MLPH: variants seen among roughly 807,000 people sequenced by gnomAD.
MLPH encodes the protein exophilin-3.
MLPH carries 51 observed loss-of-function variants against 72.1 expected under a neutral mutation model. The observed-to-expected ratio is 0.71, with a 90% CI of 0.56 to 0.89. The LOEUF (loss-of-function observed/expected upper bound fraction) is 0.89, where lower values mean the gene tolerates loss of function less well. MLPH is among the 40% of genes least tolerant of loss of function. The pLI, the probability that MLPH is intolerant of heterozygous loss-of-function variation, is 0.00. For missense variants in MLPH, 743 were observed against 759.9 expected, an observed-to-expected ratio of 0.98 and a Z score of 0.26; for synonymous variants, 301 against 310.1, an observed-to-expected ratio of 0.97 and a Z score of 0.31.
intron 9 of MLPH, among the ~76,000 whole-genome samples, chr2:237,535,736 T>C (rs148083917): frequency 3.1e-4 from 47 of 152,318 alleles, no homozygotes; most frequent in African/African-American, 9.6e-4. Flanking sequence ...AAGTGGAGAA[T>C]TTAAAGTTTC....
intron 8 of MLPH, among the ~76,000 whole-genome samples, chr2:237,529,654 C>T (rs1367804634): frequency 2.0e-5 from 3 of 152,188 alleles, no homozygotes; most frequent in Admixed American, 1.3e-4. Context: ...ACTCCAGCAA[C>T]GTAATCACAG....
intron 2 of MLPH, among the ~76,000 whole-genome samples, chr2:237,498,211 T>G (rs1369557224): frequency 6.6e-6 from 1 of 152,184 alleles, no homozygotes; most frequent in Non-Finnish European, 1.5e-5. Context: ...TTGATTTGCT[T>G]AAGAGCGGAT....
intron 12 of MLPH, chr2:237,545,618 G>A (rs2106404572): frequency 7.8e-7 from 1 of 1,286,058 alleles, no homozygotes; most frequent in South Asian, 1.2e-5. Flanking sequence ...GGAGGGCGCG[G>A]GAGGCTCACA....
rs1277806404 is a variant in MLPH, at chr2:237,546,696, CCATT to C, written c.1617+16_1617+19del. On this transcript the variant is annotated intron_variant, in intron 13 of 15. Transcript: ENST00000264605. ...AAGTGAGGCCAAGGTATGTGTTACT[CCATT>C]CAAGCCCCAGACACCCGACAAAGGT... 1.9e-5 allele frequency: 30 copies of C among 1,609,876 alleles called. No homozygotes were observed. Among genetic ancestry groups the C allele is most frequent in the Non-Finnish European group, 2.5e-5 (29 of 1,176,098 alleles).
intron 9 of MLPH, among the ~76,000 whole-genome samples, chr2:237,538,131 C>T (rs904298228): frequency 6.6e-6 from 1 of 152,178 alleles, no homozygotes; most frequent in Admixed American, 6.5e-5. Context: ...GGGAGGTGGC[C>T]GTGAACAAAG....
chr2:237,531,115 C>T (rs1268470906), intron 8 of MLPH, among the ~76,000 whole-genome samples: 1 of 152,142 alleles, frequency 6.6e-6, no homozygotes, highest in African/African-American at 2.4e-5. Context: ...AGTCTTATAC[C>T]CTGGGAAACT....
chr2:237,488,220 A>T (rs1333368600), intron 1 of MLPH, among the ~76,000 whole-genome samples: 5 of 152,250 alleles, frequency 3.3e-5, no homozygotes, highest in Admixed American at 2.6e-4. Flanking sequence ...AGGGAGTGAA[A>T]TGACAGTCGG....
At chr2:237,494,217 T>G (rs1574830151) in intron 2 of MLPH, among the ~76,000 whole-genome samples, 1 of 149,196 alleles carries the variant, frequency 6.7e-6, no homozygotes, top group Non-Finnish European at 1.5e-5. Flanking sequence ...GGGCAGAGGG[T>G]GGAGGGCAGA....
At chr2:237,527,973 T>C (rs2080339855) in intron 8 of MLPH, among the ~76,000 whole-genome samples, 1 of 152,342 alleles carries the variant, frequency 6.6e-6, no homozygotes. Context: ...CGCTGACACA[T>C]GCTAGACCAT....
At chr2:237,543,113 GGT>G (rs1346935495) in intron 12 of MLPH, among the ~76,000 whole-genome samples, 10 of 68,510 alleles carry the variant, frequency 1.5e-4, no homozygotes, top group African/African-American at 4.7e-4. Flanking sequence ...GGTGAGTGGG[GGT>G]ACAGTGGTGA....
At chr2:237,548,617 C>A (rs2080966989) in intron 13 of MLPH, among the ~76,000 whole-genome samples, 1 of 152,136 alleles carries the variant, frequency 6.6e-6, no homozygotes, top group African/African-American at 2.4e-5. Flanking sequence ...ACCTGTAATC[C>A]CAGCACTTTG....
intron 8 of MLPH, among the ~76,000 whole-genome samples, chr2:237,529,533 G>C (rs144650275): frequency 1.5e-3 from 221 of 152,310 alleles, no homozygotes; most frequent in African/African-American, 4.9e-3. Context: ...ATTTGAGCAA[G>C]TTCATGTTAC....
chr2:237,526,172 C>T lies in MLPH; in HGVS notation c.880+367C>T, dbSNP rs544693990. Among the ~76,000 whole-genome samples the T allele has an allele frequency of 3.4e-3, 516 of 152,282 alleles. 2 individuals carry two copies. Among genetic ancestry groups the T allele is most frequent in the Non-Finnish European group, 5.4e-3 (368 of 68,026 alleles). On this transcript the variant is annotated intron_variant, in intron 7 of 15. Coordinates refer to ENST00000264605, the MANE Select transcript of MLPH (RefSeq NM_024101.7). ...CATCTGGGCATTGCCACTGCTGGCCCACAGTCAGTTCAAGTCTGTTGATCA... is the reference window on the plus strand; with the variant it reads ...CATCTGGGCATTGCCACTGCTGGCCTACAGTCAGTTCAAGTCTGTTGATCA...
intron 2 of MLPH, among the ~76,000 whole-genome samples, chr2:237,494,375 G>C (rs2079492477): frequency 6.6e-6 from 1 of 152,060 alleles, no homozygotes; most frequent in African/African-American, 2.4e-5. Context: ...AGGGGGCCAG[G>C]AAGAGAGGCA....
At chr2:237,515,058 A>G (rs1574856100) in intron 4 of MLPH, among the ~76,000 whole-genome samples, 1 of 152,234 alleles carries the variant, frequency 6.6e-6, no homozygotes, top group Non-Finnish European at 1.5e-5. Flanking sequence ...TCTCTGTATT[A>G]TAAATGGAAA....
chr2:237,544,450 T>G (rs111214696), intron 12 of MLPH, among the ~76,000 whole-genome samples: 2 of 31,612 alleles, frequency 6.3e-5, no homozygotes, highest in Middle Eastern at 0.022. Flanking sequence ...CGGTAGTGAG[T>G]GGGGGGACAG....
At chr2:237,524,794 T>A (rs2080266652) in intron 6 of MLPH, among the ~76,000 whole-genome samples, 1 of 150,360 alleles carries the variant, frequency 6.7e-6, no homozygotes, top group Non-Finnish European at 1.5e-5. Context: ...AAGGCCGGCT[T>A]CATAGTGAAC....
chr2:237,551,002 C>T (rs1440833378), intron 14 of MLPH, among the ~76,000 whole-genome samples: 1 of 152,236 alleles, frequency 6.6e-6, no homozygotes, highest in Non-Finnish European at 1.5e-5. Context: ...CTGAAGCTCA[C>T]AGGAATTTTG....
chr2:237,493,318 C>T (rs527875542), intron 1 of MLPH, 85 bp from the exon 2 acceptor site: 24 of 860,160 alleles, frequency 2.8e-5, no homozygotes, highest in South Asian at 5.3e-5. Context: ...AAGTCAGCAG[C>T]GTTCTGTGTT....
Sources: gnomAD v4.1 joint callset for allele counts (sites outside exome capture counted in the v4.1 genomes callset) on GRCh38, gnomAD v4.1.1 for gene constraint, MANE v1.5 for transcripts, NCBI Gene and HGNC (gene_info 2026-07-23, HGNC 2026-07-21) for gene names.